Variants in MAML2 observed in about 807,000 individuals in gnomAD.
MAML2 encodes the protein mastermind-like protein 2.
In MAML2, 22 loss-of-function variants were observed where a neutral mutation model predicts 96.1. That is an observed-to-expected ratio of 0.23 (90% CI 0.16 to 0.33). MAML2 has a LOEUF of 0.33. MAML2 is among the 10% of genes least tolerant of loss of function. The probability of loss-of-function intolerance (pLI) is 1.00; values close to 1 mark genes in which losing one functional copy is unlikely to be tolerated. For synonymous variants in MAML2, 561 were observed against 521.3 expected, an observed-to-expected ratio of 1.08 and a Z score of -1.04; for missense variants, 1,367 against 1,392.4, an observed-to-expected ratio of 0.98 and a Z score of 0.29.
At chr11:96,162,249 T>C (rs1353591238) in intron 1 of MAML2, among the ~76,000 whole-genome samples, 1 of 151,216 alleles carries the variant, frequency 6.6e-6, no homozygotes, top group Non-Finnish European at 1.5e-5. Context: ...GTCTGACTTT[T>C]TTTTTTTTTT....
chr11:96,062,958 A>G (rs1270402810), intron 2 of MAML2, among the ~76,000 whole-genome samples: 1 of 152,176 alleles, frequency 6.6e-6, no homozygotes, highest in Non-Finnish European at 1.5e-5. Flanking sequence ...ACCTAATAAC[A>G]GCTTTTTCAA....
At chr11:96,124,726 C>T (rs1328955246) in intron 1 of MAML2, among the ~76,000 whole-genome samples, 1 of 152,086 alleles carries the variant, frequency 6.6e-6, no homozygotes, top group African/African-American at 2.4e-5. Flanking sequence ...AGAGACTGCA[C>T]ATGAACGGAT....
intron 1 of MAML2, among the ~76,000 whole-genome samples, chr11:96,107,095 T>G (rs115844887): frequency 1.3e-5 from 2 of 148,392 alleles, no homozygotes; most frequent in Non-Finnish European, 3.0e-5. Flanking sequence ...CTGAAAGCCA[T>G]TCTGTTCATG....
chr11:96,118,863 T>C (rs974301026), intron 1 of MAML2, among the ~76,000 whole-genome samples: 5 of 152,072 alleles, frequency 3.3e-5, no homozygotes, highest in African/African-American at 1.2e-4. Flanking sequence ...AAAAAATTCT[T>C]TTTTTTTCCT....
chr11:96,242,492 A>G (rs902841221), intron 1 of MAML2, among the ~76,000 whole-genome samples: 3 of 152,230 alleles, frequency 2.0e-5, no homozygotes, highest in Non-Finnish European at 4.4e-5. Context: ...CAGAGATGGC[A>G]GTTTTCATCA....
intron 1 of MAML2, among the ~76,000 whole-genome samples, chr11:96,137,019 A>T (rs538181130): frequency 1.3e-5 from 2 of 152,282 alleles, no homozygotes; most frequent in South Asian, 2.1e-4. Context: ...GTTGTTTTTT[A>T]AAAAATGCCA....
intron 1 of MAML2, among the ~76,000 whole-genome samples, chr11:96,174,723 G>C (rs1422060371): frequency 1.3e-5 from 2 of 152,174 alleles, no homozygotes; most frequent in Non-Finnish European, 2.9e-5. Flanking sequence ...ACAAGCCCAA[G>C]TGAAACAATC....
At chr11:96,208,044 T>A (rs916250852) in intron 1 of MAML2, among the ~76,000 whole-genome samples, 18 of 152,200 alleles carry the variant, frequency 1.2e-4, no homozygotes, top group African/African-American at 4.3e-4. Flanking sequence ...TGGAACAAAC[T>A]CTTCTTAGCA....
At chr11:96,110,598 C>T (rs1243477743) in intron 1 of MAML2, among the ~76,000 whole-genome samples, 1 of 152,228 alleles carries the variant, frequency 6.6e-6, no homozygotes, top group East Asian at 1.9e-4. Context: ...AGAAGCCAGG[C>T]CACAATAAAC....
At chr11:96,302,788 G>A (rs575698) in intron 1 of MAML2, among the ~76,000 whole-genome samples, 72,296 of 151,938 alleles carry the variant, frequency 0.48, 17,778 homozygotes, top group East Asian at 0.55. Context: ...AATACACACC[G>A]ACACATACCA....
chr11:95,993,662 T>C (rs1464632319), intron 2 of MAML2, among the ~76,000 whole-genome samples: 1 of 152,312 alleles, frequency 6.6e-6, no homozygotes, highest in African/African-American at 2.4e-5. Context: ...GGAAATTATC[T>C]TTTTTATTTC....
chr11:96,149,269 T>A (rs1393076828), intron 1 of MAML2, among the ~76,000 whole-genome samples: 2 of 150,564 alleles, frequency 1.3e-5, no homozygotes, highest in Non-Finnish European at 3.0e-5. Context: ...AAAAGAAAGT[T>A]AGCTGGGCAT....
At chr11:96,219,704 CA>C (rs1362013998) in intron 1 of MAML2, among the ~76,000 whole-genome samples, 3 of 152,160 alleles carry the variant, frequency 2.0e-5, no homozygotes, top group Non-Finnish European at 4.4e-5. Context: ...CGGCTCACTG[CA>C]ACTCCACCCT....
chr11:96,339,823 T>G (rs560412860), intron 1 of MAML2, among the ~76,000 whole-genome samples: 8 of 152,254 alleles, frequency 5.3e-5, no homozygotes, highest in African/African-American at 1.9e-4. Context: ...CCCTAACATC[T>G]CTTTTTTCAC....
intron 1 of MAML2, among the ~76,000 whole-genome samples, chr11:96,322,820 T>C (rs579432): frequency 0.36 from 55,401 of 152,108 alleles, 10,148 homozygotes; most frequent in African/African-American, 0.42. Flanking sequence ...GAAACTAGAA[T>C]GAACAGACAC....
intron 1 of MAML2, among the ~76,000 whole-genome samples, chr11:96,175,003 C>T (rs987269041): frequency 2.0e-5 from 3 of 152,152 alleles, no homozygotes; most frequent in Non-Finnish European, 4.4e-5. Flanking sequence ...AAACATGGTG[C>T]GAAGCAGCTC....
chr11:96,300,699 A>T (rs1357950294), intron 1 of MAML2, among the ~76,000 whole-genome samples: 1 of 152,208 alleles, frequency 6.6e-6, no homozygotes, highest in Non-Finnish European at 1.5e-5. Flanking sequence ...AAGGAAGATA[A>T]GCTATTGGAA....
intron 2 of MAML2, among the ~76,000 whole-genome samples, chr11:95,993,264 G>T (rs1296585298): frequency 6.6e-6 from 1 of 151,368 alleles, no homozygotes; most frequent in Non-Finnish European, 1.5e-5. Flanking sequence ...AAGGTTACAA[G>T]ACATAAAAAC....
intron 1 of MAML2, among the ~76,000 whole-genome samples, chr11:96,217,486 A>G (rs1862067884): frequency 6.6e-6 from 1 of 152,178 alleles, no homozygotes. Context: ...TCCAGAGAAC[A>G]CTGTCCACCG....
Sources: allele counts gnomAD v4.1 joint callset (sites outside exome capture counted in the v4.1 genomes callset), GRCh38; gene constraint gnomAD v4.1.1; transcripts MANE v1.5; gene names NCBI Gene and HGNC (gene_info 2026-07-23, HGNC 2026-07-21).